EXOC4: variants seen among roughly 807,000 people sequenced by gnomAD.
The protein encoded by EXOC4 is exocyst complex component 4, also known as SEC8-like 1.
A neutral mutation model predicts 107.2 loss-of-function variants in EXOC4; 71 were observed. That is an observed-to-expected ratio of 0.66 (90% CI 0.55 to 0.81). EXOC4 has a LOEUF of 0.81. EXOC4 is among the 30% of genes least tolerant of loss of function. The pLI, the probability that EXOC4 is intolerant of heterozygous loss-of-function variation, is 0.00. For synonymous variants in EXOC4, 456 were observed against 441.2 expected (o/e 1.03, Z -0.42); for missense variants, 1,108 against 1,189.6 (o/e 0.93, Z 1.01).
rs114679038 is a variant in EXOC4 at position 133,614,966 on chromosome 7, A to G, written c.1418-15079A>G. On this transcript the variant is annotated intron_variant, in intron 9 of 17. Coordinates refer to ENST00000253861, the MANE Select transcript of EXOC4 (RefSeq NM_021807.4). Reference sequence around the variant, plus strand: ...ATGATGAGGAAGAAGATCTAGAAGAAGCACTGCCAGAAAACAAATTGACAT... The same window carrying G: ...ATGATGAGGAAGAAGATCTAGAAGAGGCACTGCCAGAAAACAAATTGACAT... Among the ~76,000 whole-genome samples the G allele has an allele frequency of 5.7e-3, 865 of 152,240 alleles. 9 individuals are homozygous for G. The highest frequency in any genetic ancestry group is 0.02 in the African/African-American group (822 of 41,540).
At chr7:133,422,617 A>G (rs1331443923) in intron 7 of EXOC4, among the ~76,000 whole-genome samples, 1 of 152,146 alleles carries the variant, frequency 6.6e-6, no homozygotes, top group Non-Finnish European at 1.5e-5. Flanking sequence ...CTTAAAATGG[A>G]GGTTATGTAG....
chr7:133,660,673 A>T (rs565680392), intron 10 of EXOC4, among the ~76,000 whole-genome samples: 229 of 152,280 alleles, frequency 1.5e-3, no homozygotes, highest in African/African-American at 5.1e-3. Context: ...TTATCTTTTT[A>T]AAAAAATTAT....
intron 8 of EXOC4, 93 bp from the exon 9 acceptor site, chr7:133,479,957 C>T (rs762243762): frequency 2.8e-6 from 3 of 1,079,344 alleles, no homozygotes; most frequent in Non-Finnish European, 4.3e-6. Flanking sequence ...GGGAGCACCA[C>T]ACAGACCAGA....
intron 7 of EXOC4, among the ~76,000 whole-genome samples, chr7:133,464,973 G>A (rs578185157): frequency 1.3e-5 from 2 of 151,598 alleles, no homozygotes; most frequent in African/African-American, 4.8e-5. Flanking sequence ...GCACATGCAT[G>A]CCTGGCTAAT....
intron 13 of EXOC4, among the ~76,000 whole-genome samples, chr7:133,933,979 C>T (rs1420141876): frequency 6.6e-6 from 1 of 152,114 alleles, no homozygotes; most frequent in Non-Finnish European, 1.5e-5. Context: ...AGATATCCAA[C>T]CTTTTTTCTG....
chr7:133,561,989 G>GT (rs1331155042), intron 9 of EXOC4, among the ~76,000 whole-genome samples: 1 of 152,174 alleles, frequency 6.6e-6, no homozygotes, highest in Non-Finnish European at 1.5e-5. Context: ...TTTAATATTA[G>GT]TGTTTTTGTC....
In EXOC4 at chr7:133,944,615, T is replaced by A. The variant is rs1032074962; in HGVS notation, c.2206+6546T>A. On this transcript the variant is annotated intron_variant, in intron 14 of 17. Transcript: ENST00000253861. ...TGACTCTCCACTTTCTGACTACAAA[T>A]TGCTTATCTTTCTAGTGGCTATTTT... Among the ~76,000 whole-genome samples, 7 of 152,224 alleles carry A rather than the reference T, an allele frequency of 4.6e-5. No individual in the cohort carries two copies. In the East Asian group the frequency reaches 1.3e-3, roughly 29 times the overall value.
At chr7:133,742,514 A>G (rs576741278) in intron 10 of EXOC4, among the ~76,000 whole-genome samples, 1 of 152,224 alleles carries the variant, frequency 6.6e-6, no homozygotes, top group Non-Finnish European at 1.5e-5. Flanking sequence ...TGTTATTAGT[A>G]TTCCATAAAA....
At chr7:133,888,990 A>T (rs144039295) in intron 11 of EXOC4, among the ~76,000 whole-genome samples, 136 of 152,382 alleles carry the variant, frequency 8.9e-4, no homozygotes, top group African/African-American at 3.1e-3. Flanking sequence ...CATGATTATT[A>T]TGTGAGTCTC....
intron 3 of EXOC4, 114 bp downstream of exon 3, chr7:133,289,230 T>G: frequency 1.2e-6 from 1 of 836,342 alleles, no homozygotes; most frequent in Non-Finnish European, 1.8e-6. Flanking sequence ...CCTCTTGGGA[T>G]TCATGAGCCC....
At chr7:133,648,367 C>G (rs1803045038) in intron 10 of EXOC4, among the ~76,000 whole-genome samples, 1 of 152,194 alleles carries the variant, frequency 6.6e-6, no homozygotes, top group Non-Finnish European at 1.5e-5. Flanking sequence ...TTCTGGAGAG[C>G]ATACACTTCC....
intron 17 of EXOC4, among the ~76,000 whole-genome samples, chr7:134,018,206 C>T (rs1794953528): frequency 6.6e-6 from 1 of 152,196 alleles, no homozygotes; most frequent in Admixed American, 6.5e-5. Context: ...CAAGAATGAT[C>T]ATTTACCGAC....
chr7:133,804,560 T>TG (rs1183521518), intron 10 of EXOC4, among the ~76,000 whole-genome samples: 1 of 152,150 alleles, frequency 6.6e-6, no homozygotes, highest in Non-Finnish European at 1.5e-5. Flanking sequence ...TCCATCCTGT[T>TG]GAAAAAGAGT....
At chr7:133,295,983 C>T (rs1039944070) in intron 3 of EXOC4, among the ~76,000 whole-genome samples, 5 of 152,136 alleles carry the variant, frequency 3.3e-5, no homozygotes, top group Admixed American at 6.5e-5. Context: ...TCCAGTATTC[C>T]GTATGGATTT....
intron 10 of EXOC4, among the ~76,000 whole-genome samples, chr7:133,786,720 C>T (rs1026547511): frequency 3.3e-5 from 5 of 152,204 alleles, no homozygotes; most frequent in African/African-American, 4.8e-5. Flanking sequence ...TGCCTCTTCT[C>T]CTCCATCTAA....
At chr7:133,693,477 C>G (rs942677630) in intron 10 of EXOC4, among the ~76,000 whole-genome samples, 1 of 151,976 alleles carries the variant, frequency 6.6e-6, no homozygotes, top group Non-Finnish European at 1.5e-5. Context: ...TCTCCTTTGG[C>G]GACACCTTCA....
intron 10 of EXOC4, among the ~76,000 whole-genome samples, chr7:133,778,181 T>A (rs1281433012): frequency 6.6e-6 from 1 of 152,204 alleles, no homozygotes; most frequent in Non-Finnish European, 1.5e-5. Flanking sequence ...TCCATCCTAC[T>A]CCATCTCTTG....
chr7:133,480,237 G>A (rs1799121783), intron 9 of EXOC4, 99 bp downstream of exon 9: 3 of 1,548,382 alleles, frequency 1.9e-6, no homozygotes, highest in African/African-American at 1.4e-5. Flanking sequence ...TCCTTTCAAG[G>A]TAACAAACAC....
At chr7:133,799,715 T>G (rs1408969273) in intron 10 of EXOC4, among the ~76,000 whole-genome samples, 1 of 152,074 alleles carries the variant, frequency 6.6e-6, no homozygotes, top group Non-Finnish European at 1.5e-5. Context: ...TTTTGAGAAA[T>G]GAAATATACT....
Sources: gnomAD v4.1 joint callset for allele counts (sites outside exome capture counted in the v4.1 genomes callset) on GRCh38, gnomAD v4.1.1 for gene constraint, MANE v1.5 for transcripts, NCBI Gene and HGNC (gene_info 2026-07-23, HGNC 2026-07-21) for gene names.